TMEM132D: variants seen among roughly 807,000 people sequenced by gnomAD.
The protein encoded by TMEM132D is mature OL transmembrane protein.
Under a neutral mutation model 62.3 loss-of-function variants are expected in TMEM132D, and 21 were observed. The ratio of observed to expected loss-of-function variants is 0.34; its 90% confidence interval spans 0.24 to 0.49. TMEM132D has a LOEUF of 0.49. Among genes scored for constraint, TMEM132D ranks in the 20% least tolerant of loss-of-function variants. The probability of loss-of-function intolerance (pLI) is 0.99; values close to 1 mark genes in which losing one functional copy is unlikely to be tolerated. For missense variants in TMEM132D, 1,346 were observed against 1,402.8 expected (o/e 0.96, Z 0.65); for synonymous variants, 621 against 575.6 (o/e 1.08, Z -1.13).
rs142863486 is a variant in TMEM132D, at chr12:129,441,131, A to T, written c.1115+89928T>A. 1.6e-3 allele frequency among the ~76,000 whole-genome samples: 243 copies of T among 152,250 alleles called. 1 individual carries two copies. Among genetic ancestry groups the T allele is most frequent in the South Asian group, 7.1e-3 (34 of 4,812 alleles). On this transcript the variant is annotated intron_variant, in intron 3 of 8. Transcript: ENST00000422113. ...TAGAAGATGCTGGATGTTCACTAAG[A>T]TTTGCAAGATTGCATGCACATACCT...
At chr12:129,209,949 T>C in intron 4 of TMEM132D, 1 of 395,704 alleles carries the variant, frequency 2.5e-6, no homozygotes, top group Non-Finnish European at 4.7e-6. Context: ...AACACTTATG[T>C]GTCAGGCACC....
At chr12:129,846,605 T>C (rs2137348928) in intron 1 of TMEM132D, among the ~76,000 whole-genome samples, 1 of 152,350 alleles carries the variant, frequency 6.6e-6, no homozygotes. Flanking sequence ...CTGGACATCA[T>C]ATCACTTCTT....
chr12:129,105,674 C>A (rs10847769), intron 5 of TMEM132D, among the ~76,000 whole-genome samples: 46,445 of 150,688 alleles, frequency 0.31, 8,207 homozygotes, highest in East Asian at 0.43. Flanking sequence ...AAATTCTCAC[C>A]ATCACTGGCC....
chr12:129,901,296 T>C (rs4760018), intron 1 of TMEM132D, among the ~76,000 whole-genome samples: 7,389 of 152,296 alleles, frequency 0.049, 265 homozygotes, highest in Non-Finnish European at 0.077. Context: ...TATGAACACA[T>C]TGGGAAAAGA....
At chr12:129,872,811 C>A (rs1224469299) in intron 1 of TMEM132D, among the ~76,000 whole-genome samples, 1 of 152,156 alleles carries the variant, frequency 6.6e-6, no homozygotes, top group African/African-American at 2.4e-5. Context: ...ACCATGTCAA[C>A]AAACCCGTTA....
chr12:129,420,306 G>GGTTT (rs1457529737), intron 3 of TMEM132D, among the ~76,000 whole-genome samples: 2 of 112,308 alleles, frequency 1.8e-5, no homozygotes, highest in African/African-American at 8.0e-5. Flanking sequence ...CACGTTCTCT[G>GGTTT]TTTTTTTTTT....
At chr12:129,261,872 G>T (rs1346771316) in intron 4 of TMEM132D, among the ~76,000 whole-genome samples, 1 of 152,158 alleles carries the variant, frequency 6.6e-6, no homozygotes, top group African/African-American at 2.4e-5. Flanking sequence ...CTGAAGTCCT[G>T]AAGGGTAGTA....
intron 4 of TMEM132D, among the ~76,000 whole-genome samples, chr12:129,294,375 G>A (rs1881519663): frequency 6.6e-6 from 1 of 152,110 alleles, no homozygotes; most frequent in African/African-American, 2.4e-5. Context: ...TATCTGTCTT[G>A]GTGATTGGGG....
At chr12:129,242,104 A>G (rs185572514) in intron 4 of TMEM132D, among the ~76,000 whole-genome samples, 1 of 152,220 alleles carries the variant, frequency 6.6e-6, no homozygotes, top group Admixed American at 6.5e-5. Flanking sequence ...GAGACACTAG[A>G]GTCCCTAAAC....
intron 2 of TMEM132D, among the ~76,000 whole-genome samples, chr12:129,570,154 G>C (rs184566100): frequency 6.6e-6 from 1 of 152,306 alleles, no homozygotes; most frequent in Admixed American, 6.5e-5. Flanking sequence ...AGATGCTTGT[G>C]GCTTGAAGTA....
At chr12:129,463,720 C>T (rs376717024) in intron 3 of TMEM132D, among the ~76,000 whole-genome samples, 10 of 151,456 alleles carry the variant, frequency 6.6e-5, no homozygotes, top group Admixed American at 2.0e-4. Context: ...TGAGAACATG[C>T]GGTGTTCGGT....
At chr12:129,298,415 A>G (rs1881628656) in intron 4 of TMEM132D, among the ~76,000 whole-genome samples, 1 of 152,220 alleles carries the variant, frequency 6.6e-6, no homozygotes, top group Non-Finnish European at 1.5e-5. Flanking sequence ...TGGTCAAACC[A>G]GAGTGTTTAA....
chr12:129,288,162 C>T (rs2135616745), intron 4 of TMEM132D, among the ~76,000 whole-genome samples: 1 of 152,264 alleles, frequency 6.6e-6, no homozygotes, highest in Non-Finnish European at 1.5e-5. Context: ...GGAAAAGCTC[C>T]ATGACATTGG....
chr12:129,428,947 C>T (rs1872572746), intron 3 of TMEM132D, among the ~76,000 whole-genome samples: 1 of 152,226 alleles, frequency 6.6e-6, no homozygotes, highest in Non-Finnish European at 1.5e-5. Context: ...AATTTTGCCA[C>T]TTAGTTGCAC....
At chr12:129,586,926 A>C (rs1878046135) in intron 2 of TMEM132D, among the ~76,000 whole-genome samples, 1 of 152,200 alleles carries the variant, frequency 6.6e-6, no homozygotes, top group African/African-American at 2.4e-5. Context: ...ATGAACCATA[A>C]ACAAAGCCCA....
chr12:129,463,631 C>T (rs992940217), intron 3 of TMEM132D, among the ~76,000 whole-genome samples: 3 of 151,780 alleles, frequency 2.0e-5, no homozygotes, highest in African/African-American at 4.8e-5. Flanking sequence ...CCGCTCCCCC[C>T]ACCCCACAAC....
At chr12:129,658,932 A>T (rs1032742304) in intron 2 of TMEM132D, among the ~76,000 whole-genome samples, 4 of 151,896 alleles carry the variant, frequency 2.6e-5, no homozygotes, top group African/African-American at 9.7e-5. Context: ...CTGGGGTCTC[A>T]CTCTGTCATC....
chr12:129,318,027 A>G (rs796144353), intron 4 of TMEM132D, among the ~76,000 whole-genome samples: 78 of 152,214 alleles, frequency 5.1e-4, no homozygotes, highest in African/African-American at 1.8e-3. Context: ...AATTCCTTGA[A>G]TATTTCTCCC....
At chr12:129,651,533 T>C (rs1051754664) in intron 2 of TMEM132D, among the ~76,000 whole-genome samples, 1 of 152,134 alleles carries the variant, frequency 6.6e-6, no homozygotes, top group African/African-American at 2.4e-5. Context: ...TACAAATACA[T>C]TGATATTTAA....
Sources: gnomAD v4.1 joint callset for allele counts (sites outside exome capture counted in the v4.1 genomes callset) on GRCh38, gnomAD v4.1.1 for gene constraint, MANE v1.5 for transcripts, NCBI Gene and HGNC (gene_info 2026-07-23, HGNC 2026-07-21) for gene names.